PRMT7: variants seen among roughly 807,000 people sequenced by gnomAD.
The protein encoded by PRMT7 is protein arginine N-methyltransferase 7.
A neutral mutation model predicts 85.4 loss-of-function variants in PRMT7; 75 were observed. That is an observed-to-expected ratio of 0.88 (90% confidence interval 0.73 to 1.06). The LOEUF (loss-of-function observed/expected upper bound fraction) is 1.06. Ranked by LOEUF, PRMT7 falls within the 50% of genes least tolerant of loss-of-function variation. The pLI is 0.00. For synonymous variants in PRMT7, 397 were observed against 359.5 expected (o/e 1.10, Z -1.18); for missense variants, 868 against 915.2 (o/e 0.95, Z 0.67).
chr16:68,315,866 T>A lies in PRMT7; in HGVS notation c.-83-31T>A, dbSNP rs1188695808. ...GATTTTTTTTCTGTTCGTTTGTTTA[T>A]ATACCTCCTGTTTCCTTCTGATGTT... On this transcript the variant is annotated intron_variant, in intron 2 of 18. Coordinates refer to ENST00000441236, the MANE Select transcript of PRMT7 (RefSeq NM_019023.5). 1.3e-5 allele frequency: 11 copies of A among 858,752 alleles called. No individual in the cohort carries two copies. In the East Asian group the frequency reaches 2.8e-4, roughly 22 times the overall value. The allele number at this position is 858,752 out of a possible 1,614,324, so 53.2% of individuals were successfully genotyped here.
At chr16:68,338,493 G>T (rs898972038) in intron 7 of PRMT7, among the ~76,000 whole-genome samples, 2 of 152,050 alleles carry the variant, frequency 1.3e-5, no homozygotes. Context: ...CAGTGAAGAG[G>T]GCATGGTTGA....
At chr16:68,337,227 C>A (rs964546261) in intron 6 of PRMT7, among the ~76,000 whole-genome samples, 2 of 149,810 alleles carry the variant, frequency 1.3e-5, no homozygotes, top group Non-Finnish European at 3.0e-5. Flanking sequence ...CTTATGATCC[C>A]TTACCCTAGA....
intron 18 of PRMT7, 68 bp from the exon 19 acceptor site, chr16:68,356,986 G>C (rs1377529534): frequency 6.6e-7 from 1 of 1,515,924 alleles, no homozygotes; most frequent in Non-Finnish European, 8.9e-7. Flanking sequence ...GCCTGGGCTG[G>C]AGGCTGGCTA....
intron 1 of PRMT7, chr16:68,311,325 G>A: frequency 3.1e-6 from 1 of 320,446 alleles, no homozygotes; most frequent in South Asian, 2.7e-5. Flanking sequence ...GGGCTCTGTC[G>A]CAGTACTCGT....
intron 18 of PRMT7, 118 bp downstream of exon 18, chr16:68,356,915 G>A: frequency 7.3e-7 from 1 of 1,368,002 alleles, no homozygotes; most frequent in Admixed American, 2.1e-5. Context: ...CGGGCCAGAT[G>A]ATGACCCCTC....
In PRMT7 at chr16:68,353,519, G is replaced by A. The variant is rs2087741884; in HGVS notation, c.1603G>A (p.Gly535Ser). Residue 535 changes from glycine to serine, a missense_variant, in exon 16 of 19, where the codon GGT (glycine) becomes AGT (serine). Gly to Ser is a moderately conservative substitution (Grantham distance 56). Coordinates refer to ENST00000441236, the MANE Select transcript of PRMT7 (RefSeq NM_019023.5). ...CCTGTGGCGGATCCGGAGCCCCTGT[G>A]GTGACTGCGAAGGCTTCGACGTGCA... is the stretch of plus-strand genomic sequence containing the variant. ...RDLWRIRSPC[G>S]DCEGFDVHIM... 6.2e-7 allele frequency: 1 copy of A among 1,607,048 alleles called. No homozygotes were observed. Among genetic ancestry groups the A allele is most frequent in the African/African-American group, 1.3e-5 (1 of 74,554 alleles).
At chr16:68,333,730 A>C (rs547180995) in intron 6 of PRMT7, among the ~76,000 whole-genome samples, 1 of 152,202 alleles carries the variant, frequency 6.6e-6, no homozygotes, top group South Asian at 2.1e-4. Flanking sequence ...AGCATTGTTC[A>C]CACACACCTC....
rs937790204 is a variant in PRMT7, at chr16:68,356,741, C to T, written c.1852C>T (p.His618Tyr). 3 of 1,611,472 alleles carry T rather than the reference C, an allele frequency of 1.9e-6. No individual in the cohort carries two copies. In the African/African-American group the frequency reaches 4.0e-5, roughly 22 times the overall value. ...SHAAVLWMEY[H>Y]LTPECTLSTG... is the part of the protein sequence containing the mutation. Reference sequence around the variant, plus strand: ...CGCAGCGGTGCTATGGATGGAGTACCACCTGACCCCGGAGTGCACGCTCAG... The same window carrying T: ...CGCAGCGGTGCTATGGATGGAGTACTACCTGACCCCGGAGTGCACGCTCAG... The change falls in exon 18 of 19, where the codon CAC (histidine) becomes TAC (tyrosine). Residue 618 changes from histidine (H) to tyrosine (Y), a missense_variant. Transcript: ENST00000441236.
In PRMT7 at chr16:68,329,129, A is replaced by G. The variant is rs753314761; in HGVS notation, c.346A>G (p.Ile116Val). ...GGAGAAAAATGGCTTTAGTGATAAG[A>G]TTAAGGTTATCAACAAGCATTCCAC... is the stretch of plus-strand genomic sequence containing the variant. ...IVEKNGFSDK[I>V]KVINKHSTEV... The change falls in exon 6 of 19, where the codon ATT becomes GTT. Residue 116 changes from isoleucine (I) to valine (V), a missense_variant. Physicochemically the swap from Ile to Val is conservative, Grantham distance 29. Transcript: ENST00000441236. 3 of 1,611,334 alleles carry G rather than the reference A, an allele frequency of 1.9e-6. No homozygotes were observed. In the African/African-American group the frequency reaches 4.0e-5, roughly 22 times the overall value.
chr16:68,317,859 C>T (rs1266183915), intron 3 of PRMT7, among the ~76,000 whole-genome samples: 2 of 142,666 alleles, frequency 1.4e-5, no homozygotes, highest in South Asian at 2.2e-4. Flanking sequence ...AAAAACCACA[C>T]ACACACAGAT....
chr16:68,333,304 G>C (rs924837335), intron 6 of PRMT7, among the ~76,000 whole-genome samples: 1 of 152,192 alleles, frequency 6.6e-6, no homozygotes, highest in South Asian at 2.1e-4. Context: ...CCAACTTGGA[G>C]AAACCTGTCT....
chr16:68,355,662 C>T (rs759709038), intron 16 of PRMT7, 61 bp from the exon 17 acceptor site: 357 of 1,419,122 alleles, frequency 2.5e-4, no homozygotes, highest in Non-Finnish European at 3.0e-4. Context: ...AGCCGGGGAG[C>T]GGTACCTCTG....
In PRMT7 at chr16:68,329,130, T is replaced by A. The variant is rs2151558358; in HGVS notation, c.347T>A (p.Ile116Asn). The A allele has an allele frequency of 1.9e-6, 3 of 1,611,620 alleles. No individual in the cohort carries two copies. The highest frequency in any genetic ancestry group is 1.7e-6 in the Non-Finnish European group (2 of 1,177,778). The change falls in exon 6 of 19, where the codon ATT (isoleucine) becomes AAT (asparagine). Residue 116 changes from isoleucine (I) to asparagine (N), a missense_variant. By Grantham distance (149) the Ile-to-Asn change is moderately radical (BLOSUM62 -3). Coordinates refer to ENST00000441236, the MANE Select transcript of PRMT7 (RefSeq NM_019023.5). The stretch of plus-strand genomic sequence containing the variant: ...GAGAAAAATGGCTTTAGTGATAAGA[T>A]TAAGGTTATCAACAAGCATTCCACC... Reference protein sequence around the residue: ...IVEKNGFSDKIKVINKHSTEV... With the variant: ...IVEKNGFSDKNKVINKHSTEV...
At chr16:68,342,417 A>G (rs1007855534) in intron 9 of PRMT7, among the ~76,000 whole-genome samples, 11 of 152,240 alleles carry the variant, frequency 7.2e-5, no homozygotes, top group African/African-American at 2.4e-4. Context: ...TTTCACTGTC[A>G]TAATTTTCTC....
chr16:68,353,422 C>T (rs773288607), intron 15 of PRMT7, 70 bp from the exon 16 acceptor site: 1 of 1,603,172 alleles, frequency 6.2e-7, no homozygotes, highest in Admixed American at 1.7e-5. Flanking sequence ...AGATGTGCCT[C>T]TTGTTCTTGC....
At chr16:68,324,588 C>T (rs2082883373) in intron 4 of PRMT7, 95 bp from the exon 5 acceptor site, 1 of 1,474,324 alleles carries the variant, frequency 6.8e-7, no homozygotes, top group Non-Finnish European at 9.3e-7. Flanking sequence ...CCCTGACTTG[C>T]ACTGCCACTG....
At position 68,357,073 on chromosome 16, in the gene PRMT7, C is replaced by G; in HGVS notation, c.1928C>G (p.Pro643Arg). The G allele has an allele frequency of 6.2e-7, 1 of 1,610,468 alleles. No homozygotes were observed. Among genetic ancestry groups the G allele is most frequent in the Non-Finnish European group, 8.5e-7 (1 of 1,178,270 alleles). The change falls in exon 19 of 19, where the codon CCC becomes CGC. Residue 643 changes from proline to arginine, a missense_variant. Coordinates refer to ENST00000441236, the MANE Select transcript of PRMT7 (RefSeq NM_019023.5). ...CTACAGGGGGGCTGCTGCTGGAACC[C>G]CCACTGCAAGCAGGCCGTCTACTTC... ...ADPEGGCCWN[P>R]HCKQAVYFFS...
intron 14 of PRMT7, among the ~76,000 whole-genome samples, chr16:68,348,865 C>T (rs2086833361): frequency 6.6e-6 from 1 of 151,984 alleles, no homozygotes; most frequent in Non-Finnish European, 1.5e-5. Flanking sequence ...TCTTGAACTC[C>T]TGGGCTCATG....
chr16:68,311,390 C>T (rs1447080598), intron 1 of PRMT7: 1 of 261,890 alleles, frequency 3.8e-6, no homozygotes, highest in African/African-American at 2.3e-5. Context: ...CATCGCACCC[C>T]TAACTGGGCC....
Sources: gnomAD v4.1 joint callset for allele counts (sites outside exome capture counted in the v4.1 genomes callset) on GRCh38, gnomAD v4.1.1 for gene constraint, MANE v1.5 for transcripts, NCBI Gene and HGNC (gene_info 2026-07-23, HGNC 2026-07-21) for gene names.